ZNF385C: variants seen among roughly 807,000 people sequenced by gnomAD.
The protein encoded by ZNF385C is zinc finger protein 385C.
In ZNF385C, 28 loss-of-function variants were observed where a neutral mutation model predicts 35.4. That is an observed-to-expected ratio of 0.79 (90% confidence interval 0.59 to 1.08). ZNF385C has a LOEUF of 1.08. Ranked by LOEUF, ZNF385C falls within the 50% of genes least tolerant of loss-of-function variation. The pLI, the probability that ZNF385C is intolerant of heterozygous loss-of-function variation, is 0.00. For missense variants in ZNF385C, 605 were observed against 595.6 expected (o/e 1.02, Z -0.16); for synonymous variants, 248 against 248.2 (o/e 1.00, Z 0.01).
intron 2 of ZNF385C, among the ~76,000 whole-genome samples, chr17:42,054,862 G>T (rs891133685): frequency 1.3e-5 from 2 of 152,140 alleles, no homozygotes; most frequent in Admixed American, 6.6e-5. Context: ...GATTACAGGT[G>T]TGAGCCACAG....
intron 1 of ZNF385C, among the ~76,000 whole-genome samples, chr17:42,070,145 C>G (rs2053603686): frequency 6.6e-6 from 1 of 151,968 alleles, no homozygotes. Context: ...GAGATCGAGA[C>G]CATCCTGGCT....
chr17:42,081,783 C>T (rs1489426435), intron 1 of ZNF385C, among the ~76,000 whole-genome samples: 1 of 152,212 alleles, frequency 6.6e-6, no homozygotes, highest in Non-Finnish European at 1.5e-5. Context: ...GCCCAGCAGG[C>T]TTCCCAAGTA....
intron 1 of ZNF385C, among the ~76,000 whole-genome samples, chr17:42,073,523 G>A (rs1259415097): frequency 6.6e-6 from 1 of 152,156 alleles, no homozygotes; most frequent in Non-Finnish European, 1.5e-5. Flanking sequence ...CTGCTCCTAG[G>A]CACTGTCTCT....
intron 1 of ZNF385C, among the ~76,000 whole-genome samples, chr17:42,097,814 C>G (rs1302041134): frequency 1.3e-5 from 2 of 152,226 alleles, no homozygotes; most frequent in Non-Finnish European, 2.9e-5. Context: ...GACACAGACA[C>G]AGAAAAGATC....
At chr17:42,042,855 G>A in intron 2 of ZNF385C, 1 of 1,232,272 alleles carries the variant, frequency 8.1e-7, no homozygotes, top group Non-Finnish European at 1.0e-6. Context: ...TCACCCTCCT[G>A]GGACTGTAGT....
chr17:42,093,629 G>A (rs2053886700), intron 1 of ZNF385C, among the ~76,000 whole-genome samples: 1 of 150,184 alleles, frequency 6.7e-6, no homozygotes, highest in Non-Finnish European at 1.5e-5. Flanking sequence ...CGTCCAGGCT[G>A]GAGTGCAGTG....
chr17:42,051,364 G>T (rs1310839442), intron 2 of ZNF385C, among the ~76,000 whole-genome samples: 2 of 152,038 alleles, frequency 1.3e-5, no homozygotes, highest in African/African-American at 2.4e-5. Flanking sequence ...CCCTCATCCC[G>T]GTCTGCGTTA....
intron 2 of ZNF385C, chr17:42,040,421 A>G: frequency 3.2e-6 from 4 of 1,232,046 alleles, no homozygotes; most frequent in Non-Finnish European, 4.0e-6. Flanking sequence ...GCTTGGAGGG[A>G]GGCCGCAGCC....
intron 2 of ZNF385C, chr17:42,061,118 A>G (rs555023265): frequency 9.9e-5 from 15 of 152,108 alleles, no homozygotes; most frequent in African/African-American, 3.6e-4. Context: ...CCTGACAGGC[A>G]GATATGATGT....
At chr17:42,040,004 G>C (rs2052972649) in intron 2 of ZNF385C, 1 of 1,231,048 alleles carries the variant, frequency 8.1e-7, no homozygotes, top group African/African-American at 1.6e-5. Flanking sequence ...CACAGGGCCC[G>C]CGGGCCGAGC....
chr17:42,071,240 G>A (rs1355436153), intron 1 of ZNF385C, among the ~76,000 whole-genome samples: 1 of 152,204 alleles, frequency 6.6e-6, no homozygotes, highest in Non-Finnish European at 1.5e-5. Flanking sequence ...GAGGAAGCCT[G>A]TCGCCTTCCC....
At chr17:42,066,260 A>G (rs1201832137) in intron 1 of ZNF385C, among the ~76,000 whole-genome samples, 2 of 151,854 alleles carry the variant, frequency 1.3e-5, no homozygotes, top group East Asian at 1.9e-4. Context: ...GGGTTTCACA[A>G]TGTTGGCCAG....
intron 7 of ZNF385C, 58 bp from the exon 8 acceptor site, chr17:42,027,786 C>T: frequency 6.5e-7 from 1 of 1,544,928 alleles, no homozygotes; most frequent in Non-Finnish European, 8.9e-7. Context: ...ACCCCAAGAC[C>T]ATCATCCTCG....
chr17:42,038,391 G>C, intron 2 of ZNF385C: 1 of 320,018 alleles, frequency 3.1e-6, no homozygotes. Context: ...GAAACCCATG[G>C]GCTCTGAAGG....
intron 2 of ZNF385C, among the ~76,000 whole-genome samples, chr17:42,044,776 G>T (rs1261488833): frequency 6.6e-6 from 1 of 152,086 alleles, no homozygotes; most frequent in Non-Finnish European, 1.5e-5. Context: ...GGGTAGCCCA[G>T]ACCTGGGGCC....
Position 42,095,381 on chromosome 17 carries a change from C to T in ZNF385C, c.-3+3029G>A, listed in dbSNP as rs533834536. ...AACTCCAAACTCATGGGAGAACCCA[C>T]ATGATAGACACATGGGCCCTCCCGG... On this transcript the variant is annotated intron_variant, in intron 1 of 8. Transcript: ENST00000692273. This position sits in a 1 kb window ranked among gnomAD's most constrained non-coding sequence, Gnocchi z 4.4. 6.6e-6 allele frequency among the ~76,000 whole-genome samples: 1 copy of T among 152,360 alleles called. No homozygotes were observed. Among genetic ancestry groups the T allele is most frequent in the East Asian group, 1.9e-4 (1 of 5,176 alleles).
At chr17:42,046,234 A>T (rs571241035) in intron 2 of ZNF385C, among the ~76,000 whole-genome samples, 2 of 152,076 alleles carry the variant, frequency 1.3e-5, no homozygotes, top group Admixed American at 1.3e-4. Context: ...GTTCATTTTC[A>T]TATCTCGTAA....
At chr17:42,035,296 C>T (rs2052828145) in intron 3 of ZNF385C, among the ~76,000 whole-genome samples, 1 of 151,844 alleles carries the variant, frequency 6.6e-6, no homozygotes, top group Admixed American at 6.6e-5. Context: ...TCCTGGTGAT[C>T]ACCTTGGCAT....
intron 1 of ZNF385C, among the ~76,000 whole-genome samples, chr17:42,078,911 A>G (rs955690862): frequency 1.1e-4 from 16 of 152,160 alleles, no homozygotes; most frequent in African/African-American, 3.9e-4. Flanking sequence ...CAACTTCGCC[A>G]CTAATCGTGT....
Sources: gnomAD v4.1 joint callset for allele counts (sites outside exome capture counted in the v4.1 genomes callset) on GRCh38, gnomAD v4.1.1 for gene constraint, Gnocchi (gnomAD v3.1) non-coding constraint, MANE v1.5 for transcripts, NCBI Gene and HGNC (gene_info 2026-07-23, HGNC 2026-07-21) for gene names.